Variants in TMEM177 observed in about 807,000 individuals in gnomAD.
TMEM177 encodes the protein transmembrane protein 177.
TMEM177 carries 4 observed loss-of-function variants against 14.2 expected under a neutral mutation model. The observed-to-expected ratio is 0.28, with a 90% CI of 0.14 to 0.64. The LOEUF is 0.64. TMEM177 is among the 30% of genes least tolerant of loss of function. The pLI is 0.82. For missense variants in TMEM177, 344 were observed against 405.2 expected, an observed-to-expected ratio of 0.85 and a Z score of 1.30; for synonymous variants, 179 against 174.5, an observed-to-expected ratio of 1.03 and a Z score of -0.20.
chr2:119,710,416 T>C, the TMEM177 span, among the ~76,000 whole-genome samples: 1 of 152,284 alleles, frequency 6.6e-6, no homozygotes, highest in South Asian at 2.1e-4. Context: ...TGGAGGAGTC[T>C]GCAGTGGAGC....
the TMEM177 span, among the ~76,000 whole-genome samples, chr2:119,709,105 A>G: frequency 3.5e-3 from 531 of 152,360 alleles, 3 homozygotes; most frequent in African/African-American, 0.012. Flanking sequence ...GCAAGTTGGC[A>G]TCAGAACAGG....
chr2:119,684,754 A>G (rs544259062), downstream of TMEM177, among the ~76,000 whole-genome samples: 3 of 152,268 alleles, frequency 2.0e-5, no homozygotes, highest in South Asian at 6.2e-4. Context: ...CTAGTCATCC[A>G]TGATTGCTGA....
the TMEM177 span, among the ~76,000 whole-genome samples, chr2:119,695,465 T>A: frequency 2.0e-5 from 3 of 152,192 alleles, no homozygotes; most frequent in African/African-American, 7.2e-5. Context: ...GGGCCTGGCC[T>A]TCCTTCTTGC....
rs932817545 is a variant in TMEM177 at position 119,682,090 on chromosome 2, G to A, written c.*301G>A. On this transcript the variant is annotated 3_prime_UTR_variant, in exon 2 of 2. Coordinates refer to ENST00000272521, the MANE Select transcript of TMEM177 (RefSeq NM_030577.3). ...AACATAAGGGCCTGGCACAAAGGGT[G>A]CACTGTAAATAAACAGACATCCCTC... 24 of 313,288 alleles carry A rather than the reference G, an allele frequency of 7.7e-5. No individual in the cohort carries two copies. The highest frequency in any genetic ancestry group is 1.2e-4 in the Non-Finnish European group (20 of 162,170). The allele number at this position is 313,288 out of a possible 1,614,324, so 19.4% of individuals were successfully genotyped here. A position where few individuals can be genotyped will look rare whatever the true frequency, so the allele number is the denominator to read the frequency against.
At chr2:119,703,189 G>A in the TMEM177 span, among the ~76,000 whole-genome samples, 34,179 of 152,160 alleles carry the variant, frequency 0.22, 3,995 homozygotes, top group South Asian at 0.34. Flanking sequence ...TCAGCCCTGG[G>A]CCCAGCCCTG....
chr2:119,685,233 C>T (rs1688992531), downstream of TMEM177, among the ~76,000 whole-genome samples: 1 of 122,856 alleles, frequency 8.1e-6, no homozygotes, highest in Admixed American at 8.4e-5. Flanking sequence ...CCTTTGCAGG[C>T]ACACACACAC....
chr2:119,705,973 G>GCTCT, the TMEM177 span, among the ~76,000 whole-genome samples: 64 of 61,070 alleles, frequency 1.0e-3, no homozygotes, highest in African/African-American at 2.1e-3. Context: ...AGGAATTCTG[G>GCTCT]CTCTCTCTCT....
the TMEM177 span, among the ~76,000 whole-genome samples, chr2:119,712,028 C>T: frequency 2.6e-5 from 4 of 151,956 alleles, no homozygotes; most frequent in African/African-American, 9.7e-5. Context: ...AGGTCCAGAG[C>T]CTGGGGGTTG....
At chr2:119,719,322 C>G in the TMEM177 span, among the ~76,000 whole-genome samples, 1 of 152,190 alleles carries the variant, frequency 6.6e-6, no homozygotes, top group Non-Finnish European at 1.5e-5. Context: ...TGTGTGGCTT[C>G]TTTCTAAACT....
At chr2:119,692,997 A>C in the TMEM177 span, among the ~76,000 whole-genome samples, 1 of 123,782 alleles carries the variant, frequency 8.1e-6, no homozygotes, top group Non-Finnish European at 1.7e-5. Context: ...AAAAAAAAAA[A>C]GGCAGGGATT....
the TMEM177 span, among the ~76,000 whole-genome samples, chr2:119,705,586 C>T: frequency 9.4e-5 from 14 of 148,932 alleles, no homozygotes; most frequent in Non-Finnish European, 1.8e-4. Context: ...TCAGCACATA[C>T]GAGTTACTCT....
downstream of TMEM177, among the ~76,000 whole-genome samples, chr2:119,689,681 C>A (rs764735121): frequency 5.9e-5 from 9 of 152,250 alleles, no homozygotes; most frequent in Non-Finnish European, 1.3e-4. Flanking sequence ...TGCCTGTGCC[C>A]TTAACCACTC....
Position 119,681,681 on chromosome 2 carries a change from G to T in TMEM177, c.828G>T (p.Gly276=). 6.2e-7 allele frequency: 1 copy of T among 1,614,160 alleles called. No individual in the cohort carries two copies. Among genetic ancestry groups the T allele is most frequent in the Admixed American group, 1.7e-5 (1 of 60,024 alleles). ...KDGEKLYTPS[G]NIVPRHLFRI... ...GGGAGAAGCTGTATACACCCAGCGG[G>T]AACATCGTCCCCAGACACTTGTTCC... The change falls in exon 2 of 2, where the codon GGG becomes GGT. Residue 276 remains glycine (G), a synonymous_variant. Transcript: ENST00000272521.
the TMEM177 span, among the ~76,000 whole-genome samples, chr2:119,695,117 T>C: frequency 6.6e-6 from 1 of 152,210 alleles, no homozygotes; most frequent in African/African-American, 2.4e-5. Flanking sequence ...ACACAGCTGC[T>C]AAAAATCCTT....
downstream of TMEM177, among the ~76,000 whole-genome samples, chr2:119,690,166 C>T (rs886737690): frequency 6.6e-6 from 1 of 152,152 alleles, no homozygotes; most frequent in Non-Finnish European, 1.5e-5. Flanking sequence ...GGGGTGGCTT[C>T]TAATGGTTTA....
At chr2:119,697,878 TATG>T in the TMEM177 span, among the ~76,000 whole-genome samples, 1 of 152,152 alleles carries the variant, frequency 6.6e-6, no homozygotes, top group African/African-American at 2.4e-5. Flanking sequence ...CCATACAAAA[TATG>T]AGGCTCAAAG....
At chr2:119,718,142 G>T in the TMEM177 span, among the ~76,000 whole-genome samples, 1 of 152,162 alleles carries the variant, frequency 6.6e-6, no homozygotes, top group Admixed American at 6.5e-5. Flanking sequence ...AAGGAATAAA[G>T]CGGACAGTTC....
chr2:119,689,369 A>G (rs1447620950), downstream of TMEM177, among the ~76,000 whole-genome samples: 8 of 152,214 alleles, frequency 5.3e-5, no homozygotes, highest in Non-Finnish European at 1.2e-4. Context: ...GTGAGGGAGC[A>G]TAGGAGGAGG....
the TMEM177 span, among the ~76,000 whole-genome samples, chr2:119,711,577 G>A: frequency 3.3e-5 from 5 of 152,182 alleles, no homozygotes; most frequent in East Asian, 1.9e-4. Flanking sequence ...TTTTCACATC[G>A]CCTGGGGCTT....
Sources: gnomAD v4.1 joint callset for allele counts (sites outside exome capture counted in the v4.1 genomes callset) on GRCh38, gnomAD v4.1.1 for gene constraint, MANE v1.5 for transcripts, NCBI Gene and HGNC (gene_info 2026-07-23, HGNC 2026-07-21) for gene names.